The following LRP2 variants were observed in gnomAD, a reference collection of about 807,000 sequenced individuals.
The protein encoded by LRP2 is LDL receptor related protein 2, also known as low-density lipoprotein receptor-related protein 2.
Under a neutral mutation model 531.0 loss-of-function variants are expected in LRP2, and 172 were observed. The ratio of observed to expected loss-of-function variants is 0.32; its 90% confidence interval spans 0.29 to 0.37. LRP2 has a LOEUF of 0.37. Among genes scored for constraint, LRP2 ranks in the 10% least tolerant of loss-of-function variants. The pLI is 1.00. For missense variants in LRP2, 5,167 were observed against 5,868.3 expected, an observed-to-expected ratio of 0.88 and a Z score of 3.90; for synonymous variants, 1,992 against 2,027.6, an observed-to-expected ratio of 0.98 and a Z score of 0.47.
At chr2:169,204,493 G>A (rs1180194313) in intron 41 of LRP2, among the ~76,000 whole-genome samples, 1 of 152,094 alleles carries the variant, frequency 6.6e-6, no homozygotes, top group East Asian at 1.9e-4. Context: ...AATATGAATA[G>A]TAATCCTACA....
At chr2:169,354,456 T>A (rs542544247) in intron 1 of LRP2, among the ~76,000 whole-genome samples, 4 of 152,336 alleles carry the variant, frequency 2.6e-5, no homozygotes, top group South Asian at 4.1e-4. Flanking sequence ...TTACATTTCC[T>A]CCTTTCATTC....
chr2:169,203,649 A>T (rs762251139), intron 42 of LRP2, among the ~76,000 whole-genome samples: 6 of 152,138 alleles, frequency 3.9e-5, no homozygotes, highest in Non-Finnish European at 7.4e-5. Flanking sequence ...CCCAGCTACT[A>T]GGGAGGCTGA....
rs554226588 is a variant in LRP2, at chr2:169,137,621, C to T, written c.13519-128G>A. The T allele has an allele frequency of 1.3e-4, 60 of 453,476 alleles. 1 individual carries two copies. Among genetic ancestry groups the T allele is most frequent in the East Asian group, 3.2e-4 (8 of 24,808 alleles). The allele number at this position is 453,476 out of a possible 1,614,324, so 28.1% of individuals were successfully genotyped here. Reference sequence around the variant, plus strand: ...ACACCTGGAGGTACGCTAGGTGCTACGTCATAAGTTACCCAAAAGAGAACT... The same window carrying T: ...ACACCTGGAGGTACGCTAGGTGCTATGTCATAAGTTACCCAAAAGAGAACT... On this transcript the variant is annotated intron_variant, in intron 75 of 78. Coordinates refer to ENST00000649046, the MANE Select transcript of LRP2 (RefSeq NM_004525.3).
Position 169,128,844 on chromosome 2 carries a change from G to GT in LRP2, c.13801-15dup. 2 of 1,613,912 alleles carry GT rather than the reference G, an allele frequency of 1.2e-6. No individual in the cohort carries two copies. The highest frequency in any genetic ancestry group is 2.2e-5 in the South Asian group (2 of 91,086). On this transcript the variant is annotated splice_polypyrimidine_tract_variant and intron_variant, in intron 78 of 78. Transcript: ENST00000649046. Reference sequence around the variant, plus strand: ...CTCGTTCTCCATCTAAGAATACAATGTAACAGGAATCAGCCATTTATTCCC... The same window carrying GT: ...CTCGTTCTCCATCTAAGAATACAATGTTAACAGGAATCAGCCATTTATTCCC...
Position 169,289,075 on chromosome 2 carries a change from A to C in LRP2, c.993T>G (p.Phe331Leu), listed in dbSNP as rs775861943. ...GGTTGATGATATAACCTGGGGGACAAAAACACGCTCCTCCATACGGCGTCT... is the reference window on the plus strand; with the variant it reads ...GGTTGATGATATAACCTGGGGGACACAAACACGCTCCTCCATACGGCGTCT... ...CHETPYGGAC[F>L]CPPGYIINHN... Residue 331 changes from phenylalanine (F) to leucine (L), a missense_variant, in exon 9 of 79, where the codon TTT becomes TTG. By Grantham distance (22) the Phe-to-Leu change is conservative. Transcript: ENST00000649046. 6.2e-7 allele frequency: 1 copy of C among 1,614,104 alleles called. No homozygotes were observed. Among genetic ancestry groups the C allele is most frequent in the Non-Finnish European group, 8.5e-7 (1 of 1,179,998 alleles).
Position 169,235,849 on chromosome 2 carries a change from G to T in LRP2, c.4911C>A (p.Ala1637=). The part of the protein sequence containing the change: ...YNGHHRRQVI[A]SDLIIRHPYA... Reference sequence around the variant, plus strand: ...CTCACCACCAACTTACCAAATCACTGGCTATCACCTGTCTCCGATGGTGTC... The same window carrying T: ...CTCACCACCAACTTACCAAATCACTTGCTATCACCTGTCTCCGATGGTGTC... The change falls in exon 29 of 79, where the codon GCC becomes GCA. Residue 1637 remains alanine (A), a synonymous_variant. Transcript: ENST00000649046. 6.2e-7 allele frequency: 1 copy of T among 1,613,618 alleles called. No homozygotes were observed. The highest frequency in any genetic ancestry group is 1.1e-5 in the South Asian group (1 of 91,056).
intron 7 of LRP2, among the ~76,000 whole-genome samples, chr2:169,291,737 A>G (rs1199633655): frequency 1.3e-5 from 2 of 152,216 alleles, no homozygotes; most frequent in Non-Finnish European, 2.9e-5. Context: ...CGTGTTCCCA[A>G]GGTGGCCTCT....
chr2:169,358,818 C>T (rs949265455), intron 1 of LRP2, among the ~76,000 whole-genome samples: 1 of 151,516 alleles, frequency 6.6e-6, no homozygotes, highest in Non-Finnish European at 1.5e-5. Flanking sequence ...CACAGTGAGA[C>T]CCCATTTCTA....
rs144449508 is a variant in LRP2 at position 169,212,200 on chromosome 2, G to A, written c.6048C>T (p.Ala2016=). Residue 2016 remains alanine (A), a synonymous_variant, in exon 37 of 79, where the codon GCC becomes GCT. Coordinates refer to ENST00000649046, the MANE Select transcript of LRP2 (RefSeq NM_004525.3). The stretch of plus-strand genomic sequence containing the variant: ...TGTTGCTACAGCCATTTGAGGATTC[G>A]GCGGCATCTAAATGAAAACAAAATC... ...GLQVYHRRNA[A]ESSNGCSNNM... is the part of the protein sequence containing the mutation. The A allele has an allele frequency of 1.3e-3, 2,077 of 1,613,904 alleles. 31 individuals are homozygous for A. The South Asian group carries it at 0.015, about 12-fold the overall frequency.
chr2:169,236,976 T>G (rs1026799279), intron 28 of LRP2, 127 bp downstream of exon 28: 1 of 772,000 alleles, frequency 1.3e-6, no homozygotes, highest in East Asian at 2.6e-5. Context: ...ACACCTACCA[T>G]GTTTAAACAA....
intron 1 of LRP2, among the ~76,000 whole-genome samples, chr2:169,352,362 A>G (rs1325010619): frequency 6.6e-6 from 1 of 152,196 alleles, no homozygotes; most frequent in Non-Finnish European, 1.5e-5. Flanking sequence ...CTCAGACTTA[A>G]AAGAGTCCTG....
intron 67 of LRP2, 23 bp from the exon 68 acceptor site, chr2:169,151,049 A>G: frequency 6.2e-7 from 1 of 1,613,544 alleles, no homozygotes; most frequent in African/African-American, 1.3e-5. Context: ...GGACAAAGTT[A>G]AACAACTGCA....
intron 1 of LRP2, among the ~76,000 whole-genome samples, chr2:169,328,436 C>A (rs1807413): frequency 0.041 from 3,681 of 88,896 alleles, 79 homozygotes; most frequent in East Asian, 0.092. Flanking sequence ...GAGAACGGGC[C>A]GGGATAAAAA....
chr2:169,211,804 C>T (rs1688603437), intron 37 of LRP2, among the ~76,000 whole-genome samples, 164 bp downstream of exon 37: 1 of 152,168 alleles, frequency 6.6e-6, no homozygotes, highest in South Asian at 2.1e-4. Context: ...TTCTGAGACA[C>T]ACTAAAGTTT....
At chr2:169,256,364 A>C (rs1382330325) in intron 18 of LRP2, 128 bp from the exon 19 acceptor site, 1 of 612,142 alleles carries the variant, frequency 1.6e-6, no homozygotes, top group East Asian at 3.0e-5. Flanking sequence ...AATTTAAATT[A>C]TATTCATTAA....
At chr2:169,309,636 A>G (rs1172123309) in intron 3 of LRP2, among the ~76,000 whole-genome samples, 2 of 152,056 alleles carry the variant, frequency 1.3e-5, no homozygotes, top group Admixed American at 6.5e-5. Context: ...GCCTTGTAGT[A>G]TAGTTTGAAG....
At position 169,226,271 on chromosome 2, in the gene LRP2, C is replaced by A. The variant is rs13383187; in HGVS notation, c.5394+151G>T. 346 of 650,734 alleles carry A rather than the reference C, an allele frequency of 5.3e-4. 1 individual carries two copies. In the African/African-American group the frequency reaches 5.3e-3, roughly 10 times the overall value. The allele number at this position is 650,734 out of a possible 1,614,324, so 40.3% of individuals were successfully genotyped here. Reference sequence around the variant, plus strand: ...GCTCCAGGCCAAGCTCACATATATACCCCTCATTGAATCAAAAAACTTAGG... The same window carrying A: ...GCTCCAGGCCAAGCTCACATATATAACCCTCATTGAATCAAAAAACTTAGG... On this transcript the variant is annotated intron_variant, in intron 32 of 78. Coordinates refer to ENST00000649046, the MANE Select transcript of LRP2 (RefSeq NM_004525.3).
chr2:169,247,769 T>C (rs1240333228), intron 19 of LRP2, among the ~76,000 whole-genome samples: 1 of 152,190 alleles, frequency 6.6e-6, no homozygotes, highest in African/African-American at 2.4e-5. Flanking sequence ...TGGCATTTAG[T>C]AGCAATTGGA....
At position 169,139,307 on chromosome 2, in the gene LRP2, T is replaced by G; in HGVS notation, c.13332A>C (p.Gly4444=). 6.2e-7 allele frequency: 1 copy of G among 1,614,168 alleles called. No homozygotes were observed. Among genetic ancestry groups the G allele is most frequent in the Middle Eastern group, 1.7e-4 (1 of 6,060 alleles). ...IVVIGALAIA[G]FFHYRRTGSL... ...AGCCGGTCCTTCTATAGTGGAAGAA[T>G]CCTGCAATTGCCAGAGCTCCAATTA... Residue 4444 remains glycine (G), a synonymous_variant, in exon 74 of 79, where the codon GGA becomes GGC. Transcript: ENST00000649046.
Sources: gnomAD v4.1 joint callset for allele counts (sites outside exome capture counted in the v4.1 genomes callset) on GRCh38, gnomAD v4.1.1 for gene constraint, MANE v1.5 for transcripts, NCBI Gene and HGNC (gene_info 2026-07-23, HGNC 2026-07-21) for gene names.